KCNIP4: variants seen among roughly 807,000 people sequenced by gnomAD.
KCNIP4 encodes Kv channel-interacting protein 4.
In KCNIP4, 12 loss-of-function variants were observed where a neutral mutation model predicts 34.0. The observed-to-expected ratio is 0.35, with a 90% CI of 0.23 to 0.57. KCNIP4 has a LOEUF of 0.57. Ranked by LOEUF, KCNIP4 falls within the 20% of genes least tolerant of loss-of-function variation. The pLI is 0.83. For missense variants in KCNIP4, 238 were observed against 311.7 expected (o/e 0.76, Z 1.78); for synonymous variants, 124 against 102.2 (o/e 1.21, Z -1.29).
intron 3 of KCNIP4, among the ~76,000 whole-genome samples, chr4:20,830,997 A>C (rs1718363137): frequency 6.6e-6 from 1 of 152,218 alleles, no homozygotes; most frequent in Non-Finnish European, 1.5e-5. Context: ...TCTATCATAT[A>C]GTCAAGACTT....
intron 1 of KCNIP4, among the ~76,000 whole-genome samples, chr4:21,539,540 T>C (rs149810937): frequency 2.6e-5 from 4 of 152,312 alleles, no homozygotes; most frequent in African/African-American, 9.6e-5. Flanking sequence ...TTATCCATAA[T>C]GCCCAATGAC....
chr4:21,948,238 CTGG>C (rs1730611651), intron 1 of KCNIP4, among the ~76,000 whole-genome samples: 1 of 152,204 alleles, frequency 6.6e-6, no homozygotes, highest in African/African-American at 2.4e-5. Context: ...AGCGTGCGGT[CTGG>C]AGTCATCTGG....
intron 3 of KCNIP4, among the ~76,000 whole-genome samples, chr4:20,848,032 G>A (rs1720580544): frequency 6.6e-6 from 1 of 152,034 alleles, no homozygotes; most frequent in South Asian, 2.1e-4. Flanking sequence ...CCTGCTTAGT[G>A]TATTTCGGCT....
chr4:21,400,476 T>C (rs1161628863), intron 1 of KCNIP4, among the ~76,000 whole-genome samples: 3 of 147,212 alleles, frequency 2.0e-5, no homozygotes, highest in Non-Finnish European at 4.4e-5. Context: ...TCCTCTCCTC[T>C]CCTCTCCTCT....
At chr4:21,554,823 T>C (rs1738862532) in intron 1 of KCNIP4, among the ~76,000 whole-genome samples, 1 of 152,178 alleles carries the variant, frequency 6.6e-6, no homozygotes, top group African/African-American at 2.4e-5. Context: ...CAGTTCTTTA[T>C]GGTCACATGT....
chr4:21,493,678 T>C (rs1361695182), intron 1 of KCNIP4, among the ~76,000 whole-genome samples: 1 of 152,194 alleles, frequency 6.6e-6, no homozygotes, highest in Non-Finnish European at 1.5e-5. Context: ...AGAAGACCTC[T>C]TGAAAAGCAC....
chr4:21,032,086 G>C (rs1350807264), intron 1 of KCNIP4, among the ~76,000 whole-genome samples: 1 of 152,156 alleles, frequency 6.6e-6, no homozygotes, highest in Non-Finnish European at 1.5e-5. Context: ...GGCAGATGAG[G>C]AATGACAGGA....
chr4:21,115,187 A>T (rs1027687672), intron 1 of KCNIP4, among the ~76,000 whole-genome samples: 2 of 152,116 alleles, frequency 1.3e-5, no homozygotes, highest in African/African-American at 4.8e-5. Context: ...CCCCATGTGC[A>T]TATTAAACTC....
Position 21,262,904 on chromosome 4 carries a change from A to C in KCNIP4, c.62-380195T>G, listed in dbSNP as rs772565912. On this transcript the variant is annotated intron_variant, in intron 1 of 8. Coordinates refer to ENST00000382152, the MANE Select transcript of KCNIP4 (RefSeq NM_025221.6). The stretch of plus-strand genomic sequence containing the variant: ...AGGACATGGACTGTATCCTTTTAAA[A>C]CTAGTATACCTCCAGCACCTAGCAC... Among the ~76,000 whole-genome samples, 35 of 152,204 alleles carry C rather than the reference A, an allele frequency of 2.3e-4. 1 individual carries two copies. The highest frequency in any genetic ancestry group is 2.9e-5 in the Non-Finnish European group (2 of 68,038).
chr4:21,860,377 G>A (rs571851584), intron 1 of KCNIP4, among the ~76,000 whole-genome samples: 15 of 152,034 alleles, frequency 9.9e-5, no homozygotes, highest in African/African-American at 1.7e-4. Context: ...CAAGTGATCC[G>A]CCTGCCTCAG....
At chr4:21,457,643 T>C (rs759663833) in intron 1 of KCNIP4, among the ~76,000 whole-genome samples, 14 of 151,922 alleles carry the variant, frequency 9.2e-5, no homozygotes, top group Admixed American at 9.2e-4. Context: ...CTGGACAGAA[T>C]CCCTCTTTCC....
chr4:21,209,671 T>A (rs1232850632), intron 1 of KCNIP4, among the ~76,000 whole-genome samples: 1 of 152,176 alleles, frequency 6.6e-6, no homozygotes, highest in East Asian at 1.9e-4. Context: ...CTCCCCAATA[T>A]GGCTGTTAGT....
chr4:21,329,128 A>G (rs946298644), intron 1 of KCNIP4, among the ~76,000 whole-genome samples: 2 of 150,940 alleles, frequency 1.3e-5, no homozygotes, highest in South Asian at 2.1e-4. Context: ...AATAATTTCA[A>G]TAAGTGCTAA....
chr4:20,989,738 G>A (rs564648426), intron 1 of KCNIP4, among the ~76,000 whole-genome samples: 3 of 152,230 alleles, frequency 2.0e-5, no homozygotes, highest in African/African-American at 7.2e-5. Flanking sequence ...GGAGGTTGAG[G>A]TGGGTAGATC....
intron 3 of KCNIP4, among the ~76,000 whole-genome samples, chr4:20,766,297 G>A (rs965746026): frequency 1.3e-5 from 2 of 152,124 alleles, no homozygotes; most frequent in African/African-American, 4.8e-5. Context: ...GGCCAGGCAC[G>A]GTGGGTCATG....
chr4:21,064,793 T>C (rs560234482), intron 1 of KCNIP4, among the ~76,000 whole-genome samples: 17 of 152,186 alleles, frequency 1.1e-4, no homozygotes, highest in Non-Finnish European at 2.2e-4. Flanking sequence ...CTAAATGTAT[T>C]GTGAAATTAA....
chr4:20,959,797 T>C (rs1733675630), intron 1 of KCNIP4, among the ~76,000 whole-genome samples: 1 of 152,202 alleles, frequency 6.6e-6, no homozygotes, highest in African/African-American at 2.4e-5. Context: ...AAGGAGACCA[T>C]GTATGCTCAA....
In KCNIP4 at chr4:21,528,690, A is replaced by T. The variant is rs971102972; in HGVS notation, c.61+419881T>A. On this transcript the variant is annotated intron_variant, in intron 1 of 8. Transcript: ENST00000382152. ...TCATAAAAAACAAAGAAAGAAAGAAAGAAAGAAAGAAAGAAAGAAAGAAAG... is the reference window on the plus strand; with the variant it reads ...TCATAAAAAACAAAGAAAGAAAGAATGAAAGAAAGAAAGAAAGAAAGAAAG... 1.7e-3 allele frequency among the ~76,000 whole-genome samples: 3 copies of T among 1,780 alleles called. No homozygotes were observed. The South Asian group carries it at 0.11, about 64-fold the overall frequency. The allele number at this position is 1,780 out of a possible 152,430, so 1.2% of individuals were successfully genotyped here.
At chr4:21,815,415 T>C (rs1003155382) in intron 1 of KCNIP4, among the ~76,000 whole-genome samples, 4 of 152,104 alleles carry the variant, frequency 2.6e-5, no homozygotes, top group Non-Finnish European at 5.9e-5. Flanking sequence ...ATATCAATCA[T>C]TACCAAACCA....
Sources: gnomAD v4.1 joint callset for allele counts (sites outside exome capture counted in the v4.1 genomes callset) on GRCh38, gnomAD v4.1.1 for gene constraint, MANE v1.5 for transcripts, NCBI Gene and HGNC (gene_info 2026-07-23, HGNC 2026-07-21) for gene names.